The following MACROD2 variants were observed in gnomAD, a reference collection of about 807,000 sequenced individuals.
The protein encoded by MACROD2 is mono-ADP ribosylhydrolase 2.
In MACROD2, 36 loss-of-function variants were observed where a neutral mutation model predicts 70.4. The observed-to-expected ratio is 0.51, with a 90% confidence interval of 0.39 to 0.68. The LOEUF is 0.68. Among genes scored for constraint, MACROD2 ranks in the 30% least tolerant of loss-of-function variants. The pLI is 0.00. For synonymous variants in MACROD2, 172 were observed against 178.8 expected, an observed-to-expected ratio of 0.96 and a Z score of 0.30; for missense variants, 496 against 538.4, an observed-to-expected ratio of 0.92 and a Z score of 0.78.
At chr20:15,930,711 A>C (rs1432975479) in intron 10 of MACROD2, among the ~76,000 whole-genome samples, 1 of 152,182 alleles carries the variant, frequency 6.6e-6, no homozygotes, top group Non-Finnish European at 1.5e-5. Context: ...AAAGCATGCC[A>C]CTCAGATGTC....
chr20:14,504,687 G>A lies in MACROD2; in HGVS notation c.301+11179G>A, dbSNP rs574017854. On this transcript the variant is annotated intron_variant, in intron 4 of 17. Transcript: ENST00000684519. ...GTGGTGCTAAGCTAGGAATTTCTAG[G>A]CTTGTCTCTCCTTCTTTCTCAGTTT... Among the ~76,000 whole-genome samples the A allele has an allele frequency of 1.2e-3, 180 of 152,160 alleles. 2 individuals carry two copies. The highest frequency in any genetic ancestry group is 2.2e-3 in the Non-Finnish European group (153 of 68,004).
chr20:15,441,144 C>A (rs2046490115), intron 7 of MACROD2, among the ~76,000 whole-genome samples: 1 of 152,104 alleles, frequency 6.6e-6, no homozygotes, highest in Non-Finnish European at 1.5e-5. Context: ...TTGTTTCTAA[C>A]CCTGAGTGCT....
At chr20:14,411,772 C>A (rs1256769381) in intron 3 of MACROD2, among the ~76,000 whole-genome samples, 1 of 152,086 alleles carries the variant, frequency 6.6e-6, no homozygotes, top group Non-Finnish European at 1.5e-5. Context: ...TGTGTCTGCA[C>A]AGGCTGTAGA....
chr20:14,710,159 A>G (rs1372009346), intron 5 of MACROD2, among the ~76,000 whole-genome samples: 1 of 152,170 alleles, frequency 6.6e-6, no homozygotes, highest in South Asian at 2.1e-4. Context: ...TACCCCTGAG[A>G]ATGAGAGAGT....
intron 5 of MACROD2, among the ~76,000 whole-genome samples, chr20:14,730,134 G>A (rs2123700340): frequency 6.6e-6 from 1 of 152,268 alleles, no homozygotes; most frequent in South Asian, 2.1e-4. Context: ...AAGAGATGTG[G>A]AGGGTGTGGT....
intron 3 of MACROD2, among the ~76,000 whole-genome samples, chr20:14,398,574 T>C (rs1007614116): frequency 4.6e-5 from 7 of 152,140 alleles, no homozygotes; most frequent in Non-Finnish European, 1.5e-5. Context: ...TTTTGGAAAA[T>C]GTTTACTTAG....
At chr20:15,086,769 A>G (rs1490899443) in intron 5 of MACROD2, among the ~76,000 whole-genome samples, 1 of 152,168 alleles carries the variant, frequency 6.6e-6, no homozygotes, top group Non-Finnish European at 1.5e-5. Flanking sequence ...AACGTTGTAC[A>G]GGCCACTTAA....
At chr20:14,213,658 T>C (rs914787166) in intron 3 of MACROD2, among the ~76,000 whole-genome samples, 1 of 152,090 alleles carries the variant, frequency 6.6e-6, no homozygotes, top group African/African-American at 2.4e-5. Context: ...TTTTTATTTG[T>C]TAAAATTAGT....
At chr20:14,309,133 G>A (rs1601459406) in intron 3 of MACROD2, among the ~76,000 whole-genome samples, 1 of 152,202 alleles carries the variant, frequency 6.6e-6, no homozygotes, top group East Asian at 1.9e-4. Flanking sequence ...GAAATGGCAC[G>A]TGGAATTTCA....
intron 5 of MACROD2, among the ~76,000 whole-genome samples, chr20:14,736,565 C>T (rs1297623397): frequency 6.6e-6 from 1 of 152,092 alleles, no homozygotes; most frequent in East Asian, 1.9e-4. Context: ...CATGAAGTAT[C>T]TCCACAACAA....
rs1444844707 is a variant in MACROD2 at position 14,055,586 on chromosome 20, A to G, written c.164-30035A>G. On this transcript the variant is annotated intron_variant, in intron 2 of 17. Transcript: ENST00000684519. Reference sequence around the variant, plus strand: ...AACTTGTCCATTTACCAGTCTGGGCATAGGGCAAGTTACCTGTCCAGAGTT... The same window carrying G: ...AACTTGTCCATTTACCAGTCTGGGCGTAGGGCAAGTTACCTGTCCAGAGTT... Among the ~76,000 whole-genome samples the G allele has an allele frequency of 5.9e-5, 9 of 151,750 alleles. No homozygotes were observed. The South Asian group carries it at 1.5e-3, about 25-fold the overall frequency.
At chr20:15,197,510 G>T (rs990542933) in intron 5 of MACROD2, among the ~76,000 whole-genome samples, 1 of 152,186 alleles carries the variant, frequency 6.6e-6, no homozygotes, top group East Asian at 1.9e-4. Flanking sequence ...TAATTTAGGG[G>T]AACAGGAATA....
At chr20:15,868,596 T>A (rs1026341147) in intron 9 of MACROD2, among the ~76,000 whole-genome samples, 11 of 91,638 alleles carry the variant, frequency 1.2e-4, no homozygotes, top group Non-Finnish European at 2.5e-4. Flanking sequence ...CTTGGGCTAA[T>A]ACTTTTCTTT....
intron 4 of MACROD2, among the ~76,000 whole-genome samples, chr20:14,505,882 T>C (rs2123134930): frequency 6.6e-6 from 1 of 152,256 alleles, no homozygotes; most frequent in Non-Finnish European, 1.5e-5. Context: ...TCCAACAAAA[T>C]AAAATCATAA....
intron 8 of MACROD2, among the ~76,000 whole-genome samples, chr20:15,844,907 A>G (rs190958603): frequency 6.6e-6 from 1 of 152,270 alleles, no homozygotes; most frequent in Non-Finnish European, 1.5e-5. Context: ...TAGCCTTTTT[A>G]TAGAAAGCAT....
At chr20:14,024,631 A>G (rs1026722411) in intron 2 of MACROD2, among the ~76,000 whole-genome samples, 3 of 152,236 alleles carry the variant, frequency 2.0e-5, no homozygotes, top group Middle Eastern at 3.4e-3. Flanking sequence ...TAAGATAATC[A>G]TGTGGTTTTT....
At chr20:15,197,177 T>G (rs1042097852) in intron 5 of MACROD2, 3 of 277,628 alleles carry the variant, frequency 1.1e-5, no homozygotes, top group African/African-American at 2.3e-5. Flanking sequence ...TTTCTTCATT[T>G]AGTTTGTCAG....
intron 2 of MACROD2, among the ~76,000 whole-genome samples, chr20:14,038,803 A>T (rs931959244): frequency 1.3e-5 from 2 of 152,174 alleles, no homozygotes; most frequent in South Asian, 2.1e-4. Context: ...ATATAAATTT[A>T]TACCATTAAA....
At chr20:14,512,253 C>T (rs974842791) in intron 4 of MACROD2, among the ~76,000 whole-genome samples, 4 of 152,060 alleles carry the variant, frequency 2.6e-5, no homozygotes, top group Middle Eastern at 3.2e-3. Context: ...TCACATCAAG[C>T]GGGTGGTCCT....
Sources: allele counts gnomAD v4.1 joint callset (sites outside exome capture counted in the v4.1 genomes callset), GRCh38; gene constraint gnomAD v4.1.1; transcripts MANE v1.5; gene names NCBI Gene and HGNC (gene_info 2026-07-23, HGNC 2026-07-21).